Variants in SLCO1C1 observed in about 807,000 individuals in gnomAD.
The protein encoded by SLCO1C1 is solute carrier organic anion transporter family member 1C1.
Under a neutral mutation model 76.4 loss-of-function variants are expected in SLCO1C1, and 70 were observed. The observed-to-expected ratio is 0.92, with a 90% CI of 0.76 to 1.12. SLCO1C1 has a LOEUF of 1.12. Among genes scored for constraint, SLCO1C1 ranks in the 50% most tolerant of loss-of-function variants. SLCO1C1 has a pLI of 0.00. For synonymous variants in SLCO1C1, 306 were observed against 286.1 expected, an observed-to-expected ratio of 1.07 and a Z score of -0.70; for missense variants, 912 against 823.8, an observed-to-expected ratio of 1.11 and a Z score of -1.31.
At chr12:20,715,429 C>A in intron 6 of SLCO1C1, 144 bp downstream of exon 6, 2 of 901,736 alleles carry the variant, frequency 2.2e-6, no homozygotes, top group South Asian at 3.6e-5. Context: ...TTCTGAAGTG[C>A]ACAGTTCAGA....
intron 3 of SLCO1C1, among the ~76,000 whole-genome samples, chr12:20,703,607 T>C (rs1946630418): frequency 6.6e-6 from 1 of 151,890 alleles, no homozygotes; most frequent in African/African-American, 2.4e-5. Context: ...TTTCCTAACA[T>C]AAATCAATGG....
intron 7 of SLCO1C1, among the ~76,000 whole-genome samples, chr12:20,717,594 G>C (rs1192915231): frequency 1.4e-5 from 2 of 144,112 alleles, no homozygotes; most frequent in Non-Finnish European, 3.0e-5. Flanking sequence ...ATGTATTTGG[G>C]GACTTGACAG....
intron 10 of SLCO1C1, among the ~76,000 whole-genome samples, chr12:20,735,341 T>A (rs1948489806): frequency 6.6e-6 from 1 of 152,090 alleles, no homozygotes; most frequent in Non-Finnish European, 1.5e-5. Context: ...GTTTCCAGGT[T>A]TGTCACTAGC....
intron 10 of SLCO1C1, among the ~76,000 whole-genome samples, chr12:20,736,332 A>T (rs1020392366): frequency 1.2e-5 from 1 of 85,806 alleles, no homozygotes; most frequent in Non-Finnish European, 3.5e-5. Context: ...AAAAAAACCA[A>T]TTTTGGGGGG....
intron 9 of SLCO1C1, among the ~76,000 whole-genome samples, chr12:20,729,065 T>C (rs1465192147): frequency 6.6e-6 from 1 of 152,192 alleles, no homozygotes; most frequent in Non-Finnish European, 1.5e-5. Context: ...AATTTTTAGA[T>C]CAACACATTT....
intron 13 of SLCO1C1, among the ~76,000 whole-genome samples, chr12:20,745,331 T>A (rs1275947659): frequency 6.6e-6 from 1 of 152,130 alleles, no homozygotes; most frequent in African/African-American, 2.4e-5. Flanking sequence ...TAAGCATACA[T>A]GAAAAACTTT....
intron 5 of SLCO1C1, among the ~76,000 whole-genome samples, chr12:20,714,711 G>A (rs1947282685): frequency 6.6e-6 from 1 of 152,080 alleles, no homozygotes; most frequent in Admixed American, 6.6e-5. Context: ...TATGATTTCT[G>A]CTGAAAAATA....
At chr12:20,751,861 T>A (rs1232699236) in intron 14 of SLCO1C1, among the ~76,000 whole-genome samples, 1 of 152,164 alleles carries the variant, frequency 6.6e-6, no homozygotes, top group African/African-American at 2.4e-5. Flanking sequence ...CAATTCCCAT[T>A]AGCATTTCTT....
rs562434529 is a variant in SLCO1C1, at chr12:20,708,817, G to A, written c.405-2569G>A. ...ACTTTGATGGGCATTTGAATCACCCGAGGCTCTTAGTAAACTACAGATTGT... is the reference window on the plus strand; with the variant it reads ...ACTTTGATGGGCATTTGAATCACCCAAGGCTCTTAGTAAACTACAGATTGT... On this transcript the variant is annotated intron_variant, in intron 4 of 14. Transcript: ENST00000266509. 2.7e-4 allele frequency among the ~76,000 whole-genome samples: 41 copies of A among 152,246 alleles called. No homozygotes were observed. In the Middle Eastern group the frequency reaches 0.014, roughly 51 times the overall value.
intron 10 of SLCO1C1, 125 bp from the exon 11 acceptor site, chr12:20,736,980 CTG>C (rs1948575636): frequency 1.5e-6 from 1 of 660,716 alleles, no homozygotes; most frequent in Non-Finnish European, 2.3e-6. Context: ...CTGATGACAA[CTG>C]TGTTTCTAAA....
intron 5 of SLCO1C1, 116 bp downstream of exon 5, chr12:20,711,626 T>C: frequency 1.9e-6 from 2 of 1,066,394 alleles, no homozygotes; most frequent in South Asian, 1.6e-5. Flanking sequence ...ACTACTTAAA[T>C]TGAGATATCA....
intron 7 of SLCO1C1, among the ~76,000 whole-genome samples, chr12:20,717,878 T>G (rs1947463029): frequency 6.6e-6 from 1 of 151,764 alleles, no homozygotes; most frequent in South Asian, 2.1e-4. Flanking sequence ...TTTGTCAGTA[T>G]TTTTTTAAAG....
At chr12:20,706,320 C>T (rs1454934898) in intron 4 of SLCO1C1, among the ~76,000 whole-genome samples, 1 of 151,912 alleles carries the variant, frequency 6.6e-6, no homozygotes, top group Admixed American at 6.6e-5. Context: ...AAGATTTTAC[C>T]TACATGTTTT....
intron 9 of SLCO1C1, among the ~76,000 whole-genome samples, chr12:20,727,850 T>C (rs561514400): frequency 1.9e-4 from 29 of 152,304 alleles, no homozygotes; most frequent in African/African-American, 6.7e-4. Flanking sequence ...GTCCGTTGTC[T>C]ACTTTTTAAT....
In SLCO1C1 at chr12:20,721,973, C is replaced by G; in HGVS notation, c.945C>G (p.Ser315=). Residue 315 remains serine, a synonymous_variant, in exon 8 of 15, where the codon TCC becomes TCG. Transcript: ENST00000266509. The stretch of plus-strand genomic sequence containing the variant: ...ATTCTAATTCTTCCTCTGAGAAATC[C>G]AAGTTTATTATAGATGATCACACAG... ...REDSNSSSEK[S]KFIIDDHTDY... The G allele has an allele frequency of 4.3e-6, 7 of 1,614,022 alleles. No individual in the cohort carries two copies. The highest frequency in any genetic ancestry group is 5.9e-6 in the Non-Finnish European group (7 of 1,179,974).
chr12:20,710,771 A>G (rs1947050444), intron 4 of SLCO1C1, among the ~76,000 whole-genome samples: 1 of 152,218 alleles, frequency 6.6e-6, no homozygotes, highest in African/African-American at 2.4e-5. Flanking sequence ...ACAACTCTAA[A>G]TAAAGTATTC....
At chr12:20,717,668 T>A in intron 7 of SLCO1C1, among the ~76,000 whole-genome samples, 1 of 83,100 alleles carries the variant, frequency 1.2e-5, no homozygotes, top group African/African-American at 5.7e-5. Context: ...TTTTTTTTTT[T>A]TTTTTTTTTT....
chr12:20,720,894 G>A (rs1220507293), intron 7 of SLCO1C1, among the ~76,000 whole-genome samples: 4 of 151,734 alleles, frequency 2.6e-5, no homozygotes, highest in Non-Finnish European at 5.9e-5. Flanking sequence ...CTACTAGGGA[G>A]GCTAAGGCAG....
intron 9 of SLCO1C1, among the ~76,000 whole-genome samples, chr12:20,726,762 T>C (rs1158421627): frequency 6.6e-6 from 1 of 152,164 alleles, no homozygotes; most frequent in Non-Finnish European, 1.5e-5. Flanking sequence ...GTTACAAAGG[T>C]ATATTGCATA....
Sources: gnomAD v4.1 joint callset for allele counts (sites outside exome capture counted in the v4.1 genomes callset) on GRCh38, gnomAD v4.1.1 for gene constraint, MANE v1.5 for transcripts, NCBI Gene and HGNC (gene_info 2026-07-23, HGNC 2026-07-21) for gene names.